The following NBEA variants were observed in gnomAD, a reference collection of about 807,000 sequenced individuals.
The protein encoded by NBEA is neurobeachin.
A neutral mutation model predicts 343.4 loss-of-function variants in NBEA; 44 were observed. That is an observed-to-expected ratio of 0.13 (90% CI 0.10 to 0.16). NBEA has a LOEUF of 0.16. Ranked by LOEUF, NBEA falls within the 10% of genes least tolerant of loss-of-function variation. NBEA has a pLI of 1.00. For synonymous variants in NBEA, 1,175 were observed against 1,238.7 expected (o/e 0.95, Z 1.08); for missense variants, 2,555 against 3,631.3 (o/e 0.70, Z 7.62).
chr13:35,627,753 T>C (rs1382677406), intron 48 of NBEA, among the ~76,000 whole-genome samples: 1 of 152,178 alleles, frequency 6.6e-6, no homozygotes, highest in Non-Finnish European at 1.5e-5. Context: ...AAATTATTTT[T>C]CTTTTAAACA....
At chr13:35,554,929 A>G in intron 43 of NBEA, 58 bp from the exon 44 acceptor site, 1 of 808,154 alleles carries the variant, frequency 1.2e-6, no homozygotes, top group Non-Finnish European at 1.9e-6. Flanking sequence ...TTAATATTGG[A>G]TTTTTTAAAG....
intron 33 of NBEA, among the ~76,000 whole-genome samples, chr13:35,217,771 T>C (rs2074145104): frequency 6.6e-6 from 1 of 152,098 alleles, no homozygotes; most frequent in Admixed American, 6.6e-5. Flanking sequence ...AGATCTCTCC[T>C]TTCTGGCTGG....
Position 35,584,009 on chromosome 13 carries a change from A to G in NBEA, c.7147A>G (p.Thr2383Ala), listed in dbSNP as rs1443137560. 3 of 1,613,628 alleles carry G rather than the reference A, an allele frequency of 1.9e-6. No individual in the cohort carries two copies. Among genetic ancestry groups the G allele is most frequent in the Middle Eastern group, 1.6e-4 (1 of 6,082 alleles). ...YHYNTHYSTA[T>A]STLSWLVRIE... ...TTATAATACCCATTATTCAACAGCA[A>G]CATCTACTTTATCCTGGCTTGTTCG... is the stretch of plus-strand genomic sequence containing the variant. The change falls in exon 46 of 59, where the codon ACA becomes GCA. Residue 2383 changes from threonine to alanine, a missense_variant. This residue lies in a region of NBEA where 156 missense variants were observed against 185.8 expected (regional missense o/e 0.84). Coordinates refer to ENST00000379939, the MANE Select transcript of NBEA (RefSeq NM_001385012.1).
intron 22 of NBEA, among the ~76,000 whole-genome samples, chr13:35,161,449 A>G (rs1390906429): frequency 6.6e-6 from 1 of 152,144 alleles, no homozygotes; most frequent in Non-Finnish European, 1.5e-5. Context: ...GGTCTAATTT[A>G]AAGACTCTTA....
intron 41 of NBEA, among the ~76,000 whole-genome samples, chr13:35,523,478 T>C (rs73171525): frequency 0.033 from 5,052 of 152,284 alleles, 126 homozygotes; most frequent in South Asian, 0.11. Flanking sequence ...GACATTTGAC[T>C]ATGGGTCTGC....
At chr13:35,120,845 GTAA>G (rs2066755609) in intron 16 of NBEA, among the ~76,000 whole-genome samples, 1 of 152,144 alleles carries the variant, frequency 6.6e-6, no homozygotes, top group African/African-American at 2.4e-5. Context: ...TTGTTATTTA[GTAA>G]TAATGTATAT....
chr13:35,070,924 C>T, intron 10 of NBEA, 72 bp downstream of exon 10: 1 of 1,496,268 alleles, frequency 6.7e-7, no homozygotes, highest in Non-Finnish European at 9.0e-7. Flanking sequence ...GTACTCAGTG[C>T]TGTGTAAATG....
At chr13:35,580,399 T>C (rs964381019) in intron 45 of NBEA, among the ~76,000 whole-genome samples, 5 of 152,184 alleles carry the variant, frequency 3.3e-5, no homozygotes, top group Admixed American at 6.5e-5. Flanking sequence ...TTATTAAGTG[T>C]AGCCTTACCT....
chr13:35,009,504 T>A (rs1405874520), intron 1 of NBEA, among the ~76,000 whole-genome samples: 2 of 152,068 alleles, frequency 1.3e-5, no homozygotes, highest in Admixed American at 6.6e-5. Context: ...GAGTCAAAAA[T>A]GAGCTGTCCC....
intron 35 of NBEA, among the ~76,000 whole-genome samples, chr13:35,301,210 T>C (rs2036520991): frequency 1.3e-5 from 2 of 151,986 alleles, no homozygotes; most frequent in African/African-American, 2.4e-5. Flanking sequence ...CTGGGATACA[T>C]GTGCAGAACA....
intron 34 of NBEA, among the ~76,000 whole-genome samples, chr13:35,273,983 GA>G (rs1272181923): frequency 6.6e-6 from 1 of 152,134 alleles, no homozygotes; most frequent in African/African-American, 2.4e-5. Flanking sequence ...CCAATCAATA[GA>G]AAAAGAGGGA....
At chr13:35,160,229 C>A (rs1355354915) in intron 22 of NBEA, among the ~76,000 whole-genome samples, 197 bp downstream of exon 22, 4 of 152,088 alleles carry the variant, frequency 2.6e-5, no homozygotes, top group African/African-American at 9.7e-5. Context: ...ATTTCCAACT[C>A]TGCCACATTC....
At chr13:35,138,491 G>C (rs769475912) in intron 17 of NBEA, among the ~76,000 whole-genome samples, 1 of 136,792 alleles carries the variant, frequency 7.3e-6, no homozygotes, top group Non-Finnish European at 1.5e-5. Context: ...ATGGAGTTTT[G>C]CTCTGTCGCC....
At chr13:35,446,912 T>TG (rs1023040625) in intron 39 of NBEA, among the ~76,000 whole-genome samples, 16 of 152,086 alleles carry the variant, frequency 1.1e-4, no homozygotes, top group African/African-American at 3.9e-4. Flanking sequence ...GGTGAAAAGC[T>TG]GAGTCTACAT....
chr13:35,548,804 T>C (rs1434449500), intron 41 of NBEA, among the ~76,000 whole-genome samples: 1 of 152,182 alleles, frequency 6.6e-6, no homozygotes, highest in Non-Finnish European at 1.5e-5. Context: ...TAACAATTTA[T>C]AAATATAAAT....
At chr13:35,233,997 T>C (rs1244120007) in intron 34 of NBEA, among the ~76,000 whole-genome samples, 1 of 152,092 alleles carries the variant, frequency 6.6e-6, no homozygotes, top group Non-Finnish European at 1.5e-5. Flanking sequence ...GCTTATTAGA[T>C]GAGGAGTGTT....
intron 38 of NBEA, among the ~76,000 whole-genome samples, chr13:35,408,701 A>T (rs935369368): frequency 6.6e-6 from 1 of 152,176 alleles, no homozygotes; most frequent in Non-Finnish European, 1.5e-5. Context: ...GAACATGAAC[A>T]CTTTTCAAAA....
At chr13:35,105,834 A>C (rs2065894636) in intron 11 of NBEA, among the ~76,000 whole-genome samples, 1 of 152,018 alleles carries the variant, frequency 6.6e-6, no homozygotes, top group Non-Finnish European at 1.5e-5. Context: ...AGTTTTACAC[A>C]ATTTATTGAA....
chr13:35,495,558 T>C (rs913875149), intron 41 of NBEA, among the ~76,000 whole-genome samples: 1 of 151,966 alleles, frequency 6.6e-6, no homozygotes. Context: ...GTATTTTATA[T>C]GTATCATTTT....
Sources: gnomAD v4.1 joint callset for allele counts (sites outside exome capture counted in the v4.1 genomes callset) on GRCh38, gnomAD v4.1.1 for gene constraint, gnomAD v4.1.1 regional missense constraint, MANE v1.5 for transcripts, NCBI Gene and HGNC (gene_info 2026-07-23, HGNC 2026-07-21) for gene names.